MIB1: variants seen among roughly 807,000 people sequenced by gnomAD.
MIB1 encodes E3 ubiquitin-protein ligase MIB1.
A neutral mutation model predicts 124.5 loss-of-function variants in MIB1; 278 were observed. The ratio of observed to expected loss-of-function variants is 2.23; its 90% CI spans 2.02 to 2.47. MIB1 has a LOEUF of 2.47. Ranked by LOEUF, MIB1 falls within the 30% of genes most tolerant of loss-of-function variation. The pLI, the probability that MIB1 is intolerant of heterozygous loss-of-function variation, is 0.00. For synonymous variants in MIB1, 446 were observed against 429.4 expected, an observed-to-expected ratio of 1.04 and a Z score of -0.48; for missense variants, 957 against 1,254.4, an observed-to-expected ratio of 0.76 and a Z score of 3.58.
At chr18:21,845,296 C>G (rs2042125762) in intron 15 of MIB1, among the ~76,000 whole-genome samples, 1 of 152,186 alleles carries the variant, frequency 6.6e-6, no homozygotes, top group Non-Finnish European at 1.5e-5. Flanking sequence ...AGGCATGAGC[C>G]ACCACACCCA....
chr18:21,810,536 G>A (rs1463910642), intron 10 of MIB1, among the ~76,000 whole-genome samples: 2 of 151,876 alleles, frequency 1.3e-5, no homozygotes, highest in Non-Finnish European at 2.9e-5. Context: ...TAACATAAGG[G>A]TGGACATAAA....
chr18:21,762,589 T>G (rs973482203), intron 1 of MIB1, among the ~76,000 whole-genome samples: 30 of 152,154 alleles, frequency 2.0e-4, no homozygotes, highest in African/African-American at 5.8e-4. Context: ...CTACACTGAG[T>G]GTATATTAAT....
chr18:21,837,292 A>G (rs1329507008), intron 12 of MIB1, among the ~76,000 whole-genome samples: 1 of 152,234 alleles, frequency 6.6e-6, no homozygotes, highest in African/African-American at 2.4e-5. Context: ...GTGGATCACA[A>G]GGTCAGGAGA....
At chr18:21,839,585 G>T (rs1247797716) in intron 13 of MIB1, among the ~76,000 whole-genome samples, 1 of 152,140 alleles carries the variant, frequency 6.6e-6, no homozygotes, top group Non-Finnish European at 1.5e-5. Flanking sequence ...GCTCACTGCA[G>T]CCTTGACCTC....
chr18:21,757,987 C>G (rs1439228557), intron 1 of MIB1, among the ~76,000 whole-genome samples: 3 of 152,020 alleles, frequency 2.0e-5, no homozygotes, highest in Non-Finnish European at 4.4e-5. Flanking sequence ...CTTTAAGAGG[C>G]CATGTTTTGT....
intron 12 of MIB1, among the ~76,000 whole-genome samples, chr18:21,821,392 G>C (rs1055291773): frequency 2.6e-5 from 4 of 151,942 alleles, no homozygotes; most frequent in African/African-American, 4.8e-5. Flanking sequence ...CAATCCCTCA[G>C]CCCGCTTTGC....
At chr18:21,720,121 C>G (rs1173696480) in intron 1 of MIB1, among the ~76,000 whole-genome samples, 1 of 152,154 alleles carries the variant, frequency 6.6e-6, no homozygotes, top group African/African-American at 2.4e-5. Flanking sequence ...CTATATCAAT[C>G]ATACCTCAGG....
At chr18:21,843,012 C>T in intron 13 of MIB1, 119 bp from the exon 14 acceptor site, 1 of 629,122 alleles carries the variant, frequency 1.6e-6, no homozygotes, top group Non-Finnish European at 2.6e-6. Flanking sequence ...ATTGCAGCAG[C>T]TGAAGGAGAA....
intron 1 of MIB1, among the ~76,000 whole-genome samples, chr18:21,721,878 G>A (rs1019243463): frequency 6.6e-6 from 1 of 152,080 alleles, no homozygotes; most frequent in African/African-American, 2.4e-5. Context: ...GTGGAGTGTT[G>A]GTCAAAACTA....
intron 11 of MIB1, among the ~76,000 whole-genome samples, chr18:21,817,084 T>C (rs186046210): frequency 1.3e-5 from 2 of 151,956 alleles, no homozygotes; most frequent in East Asian, 3.9e-4. Context: ...CACTACAGAT[T>C]TTTAGTGCCG....
intron 1 of MIB1, among the ~76,000 whole-genome samples, chr18:21,764,198 T>C (rs2041130114): frequency 6.6e-6 from 1 of 152,154 alleles, no homozygotes; most frequent in Admixed American, 6.5e-5. Context: ...TGTAGTCCAC[T>C]AGGTATCCCA....
chr18:21,811,316 A>G (rs1251575095), intron 10 of MIB1, among the ~76,000 whole-genome samples: 3 of 152,218 alleles, frequency 2.0e-5, no homozygotes, highest in African/African-American at 7.2e-5. Flanking sequence ...TGACAGTTGC[A>G]CAAAAGATTT....
chr18:21,713,973 T>G (rs1568174269), intron 1 of MIB1, among the ~76,000 whole-genome samples: 1 of 152,096 alleles, frequency 6.6e-6, no homozygotes, highest in African/African-American at 2.4e-5. Flanking sequence ...TGGAGAAAAT[T>G]TTTAATAGGA....
rs548520226 is a variant in MIB1 at position 21,838,227 on chromosome 18, G to T, written c.1830-138G>T. 4.3e-4 allele frequency: 252 copies of T among 583,714 alleles called. 1 individual carries two copies. The Middle Eastern group carries it at 5.7e-3, about 13-fold the overall frequency. 36.2% of individuals were successfully genotyped at this position (583,714 alleles called of 1,614,324 possible). ...AATTAAATTAAAGCTGCACATTTGA[G>T]ATTAGAAAAGTAGAATTTCTATTTG... On this transcript the variant is annotated intron_variant, in intron 12 of 20. Transcript: ENST00000261537.
intron 11 of MIB1, chr18:21,817,770 G>T (rs1029332940): frequency 2.6e-6 from 1 of 385,718 alleles, no homozygotes; most frequent in Non-Finnish European, 5.1e-6. Flanking sequence ...TCATATTCCT[G>T]TAGCTTCTCA....
At chr18:21,787,110 C>A (rs556300386) in intron 6 of MIB1, among the ~76,000 whole-genome samples, 1 of 151,726 alleles carries the variant, frequency 6.6e-6, no homozygotes, top group South Asian at 2.1e-4. Flanking sequence ...CCTGTTGAAT[C>A]CCCTAAATTA....
chr18:21,841,415 G>A (rs547621660), intron 13 of MIB1, among the ~76,000 whole-genome samples: 1 of 152,042 alleles, frequency 6.6e-6, no homozygotes, highest in Non-Finnish European at 1.5e-5. Flanking sequence ...TATAAAAATG[G>A]TCAAAAGATT....
At chr18:21,827,644 T>C (rs2041938068) in intron 12 of MIB1, 1 of 152,092 alleles carries the variant, frequency 6.6e-6, no homozygotes, top group African/African-American at 2.4e-5. Flanking sequence ...GCTATGCTTA[T>C]GTGAGTTAAG....
chr18:21,762,760 A>G (rs1439050015), intron 1 of MIB1, among the ~76,000 whole-genome samples: 3 of 152,334 alleles, frequency 2.0e-5, no homozygotes, highest in Middle Eastern at 3.4e-3. Flanking sequence ...CTTTAGTAAT[A>G]TGGTATATAA....
Sources: gnomAD v4.1 joint callset for allele counts (sites outside exome capture counted in the v4.1 genomes callset) on GRCh38, gnomAD v4.1.1 for gene constraint, MANE v1.5 for transcripts, NCBI Gene and HGNC (gene_info 2026-07-23, HGNC 2026-07-21) for gene names.